Variants in HECTD4 observed in about 807,000 individuals in gnomAD.
HECTD4 encodes HECT domain E3 ubiquitin protein ligase 4.
In HECTD4, 114 loss-of-function variants were observed where a neutral mutation model predicts 471.5. The ratio of observed to expected loss-of-function variants is 0.24; its 90% CI spans 0.21 to 0.28. The LOEUF is 0.28. Among genes scored for constraint, HECTD4 ranks in the 10% least tolerant of loss-of-function variants. HECTD4 has a pLI of 1.00. For synonymous variants in HECTD4, 2,012 were observed against 2,256.0 expected (o/e 0.89, Z 3.07); for missense variants, 3,866 against 5,651.5 (o/e 0.68, Z 10.13).
chr12:112,297,465 G>C (rs528354209), intron 7 of HECTD4, among the ~76,000 whole-genome samples: 25 of 151,996 alleles, frequency 1.6e-4, no homozygotes, highest in Non-Finnish European at 3.5e-4. Context: ...CAATCATTCA[G>C]CACCTCTATA....
Position 112,248,057 on chromosome 12 carries a change from A to G in HECTD4, c.4248+10T>C, listed in dbSNP as rs1362939116. 1 of 1,601,112 alleles carries G rather than the reference A, an allele frequency of 6.2e-7. No individual in the cohort carries two copies. Among genetic ancestry groups the G allele is most frequent in the South Asian group, 1.1e-5 (1 of 89,990 alleles). On this transcript the variant is annotated intron_variant, in intron 27 of 75. Coordinates refer to ENST00000682272, the MANE Select transcript of HECTD4 (RefSeq NM_001388303.1). ...CAATACCCCAGTGACAAATCATACA[A>G]TTTGCTCACCTCATTAAAATGGTAA...
Position 112,161,756 on chromosome 12 carries a change from A to T in HECTD4, c.*631T>A, listed in dbSNP as rs1204053448. On this transcript the variant is annotated 3_prime_UTR_variant, in exon 76 of 76. Coordinates refer to ENST00000682272, the MANE Select transcript of HECTD4 (RefSeq NM_001388303.1). ...AGAGACAGACGGCAGATAGGGAGGT[A>T]TGGGAGGGGCAGGGGAACCACTGTG... 1 of 152,330 alleles carries T rather than the reference A, an allele frequency of 6.6e-6. No individual in the cohort carries two copies. Among genetic ancestry groups the T allele is most frequent in the African/African-American group, 2.4e-5 (1 of 41,452 alleles). 9.4% of individuals were successfully genotyped at this position (152,330 alleles called of 1,614,324 possible). A position where few individuals can be genotyped will look rare whatever the true frequency, so the allele number is the denominator to read the frequency against.
At chr12:112,273,600 TTC>T (rs975847824) in intron 11 of HECTD4, 53 bp downstream of exon 11, 5 of 1,545,338 alleles carry the variant, frequency 3.2e-6, no homozygotes, top group Non-Finnish European at 4.5e-6. Context: ...TGCTGTGGTA[TTC>T]TCTCATATTT....
At position 112,226,520 on chromosome 12, in the gene HECTD4, T is replaced by C. The variant is rs1405327425; in HGVS notation, c.6970+123A>G. The C allele has an allele frequency of 9.2e-6, 5 of 541,544 alleles. No homozygotes were observed. In the East Asian group the frequency reaches 1.5e-4, roughly 16 times the overall value. 33.5% of individuals were successfully genotyped at this position (541,544 alleles called of 1,614,324 possible). A position where few individuals can be genotyped will look rare whatever the true frequency, so the allele number is the denominator to read the frequency against. ...GATGCACGTGAGTTGTGACAGGTGT[T>C]GTCCTTACAGCTCGGCTGTTTTGAT... On this transcript the variant is annotated intron_variant, in intron 44 of 75. Transcript: ENST00000682272.
intron 41 of HECTD4, among the ~76,000 whole-genome samples, 187 bp downstream of exon 41, chr12:112,229,511 A>G (rs2033321722): frequency 6.6e-6 from 1 of 152,238 alleles, no homozygotes; most frequent in Non-Finnish European, 1.5e-5. Flanking sequence ...TTGCATTAAT[A>G]TCTGAATAAT....
At chr12:112,205,651 G>A (rs1372905965) in intron 52 of HECTD4, among the ~76,000 whole-genome samples, 3 of 151,738 alleles carry the variant, frequency 2.0e-5, no homozygotes, top group African/African-American at 7.3e-5. Context: ...GAGTGCAGTG[G>A]TGCAATCTCG....
At position 112,254,035 on chromosome 12, in the gene HECTD4, T is replaced by C; in HGVS notation, c.3447+8A>G. 6.2e-7 allele frequency: 1 copy of C among 1,613,840 alleles called. No individual in the cohort carries two copies. The highest frequency in any genetic ancestry group is 8.5e-7 in the Non-Finnish European group (1 of 1,179,776). On this transcript the variant is annotated splice_region_variant and intron_variant, in intron 22 of 75. Coordinates refer to ENST00000682272, the MANE Select transcript of HECTD4 (RefSeq NM_001388303.1). ...TTTCTAGGAAGCGATTATGACTGAATACCATACCTTCACCAAGTCTTTCGG... is the reference window on the plus strand; with the variant it reads ...TTTCTAGGAAGCGATTATGACTGAACACCATACCTTCACCAAGTCTTTCGG...
At chr12:112,237,480 C>T (rs1228306713) in intron 34 of HECTD4, among the ~76,000 whole-genome samples, 1 of 152,202 alleles carries the variant, frequency 6.6e-6, no homozygotes, top group Non-Finnish European at 1.5e-5. Context: ...TCCAGAACCT[C>T]CCAAGCATGT....
Position 112,246,959 on chromosome 12 carries a change from G to C in HECTD4, c.4455C>G (p.Thr1485=), listed in dbSNP as rs562493088. 1.1e-5 allele frequency: 17 copies of C among 1,612,248 alleles called. No individual in the cohort carries two copies. In the African/African-American group the frequency reaches 1.7e-4, roughly 16 times the overall value. ...MNRAELLLHV[T]IAAQSGLTRS... ...TCGTGAGGCCCGACTGGGCTGCGATGGTGACATGCAGCAACAGCTCGGCTC... is the reference window on the plus strand; with the variant it reads ...TCGTGAGGCCCGACTGGGCTGCGATCGTGACATGCAGCAACAGCTCGGCTC... The change falls in exon 29 of 76, where the codon ACC becomes ACG. Residue 1485 remains threonine (T), a synonymous_variant. Coordinates refer to ENST00000682272, the MANE Select transcript of HECTD4 (RefSeq NM_001388303.1).
intron 69 of HECTD4, 103 bp downstream of exon 69, chr12:112,170,230 C>A (rs2031159353): frequency 2.0e-6 from 3 of 1,466,230 alleles, no homozygotes; most frequent in Non-Finnish European, 2.8e-6. Context: ...ACAGGAGGAA[C>A]CGCTGCACCA....
At chr12:112,167,566 C>A (rs1390638609) in intron 71 of HECTD4, 28 bp from the exon 72 acceptor site, 1 of 1,529,538 alleles carries the variant, frequency 6.5e-7, no homozygotes, top group South Asian at 1.2e-5. Context: ...CATGAGGTGA[C>A]CTGGGCGTGG....
intron 32 of HECTD4, among the ~76,000 whole-genome samples, chr12:112,242,528 G>C (rs1159962798): frequency 6.6e-6 from 1 of 150,940 alleles, no homozygotes; most frequent in Admixed American, 6.6e-5. Flanking sequence ...TGGGAAGATC[G>C]CTTGAGCCTG....
At chr12:112,190,627 T>A (rs1362022958) in intron 60 of HECTD4, among the ~76,000 whole-genome samples, 159 bp downstream of exon 60, 2 of 152,202 alleles carry the variant, frequency 1.3e-5, no homozygotes, top group Admixed American at 6.5e-5. Flanking sequence ...TTAAGATCTA[T>A]TCCCCAAGCC....
At position 112,193,191 on chromosome 12, in the gene HECTD4, T is replaced by C; in HGVS notation, c.8956A>G (p.Thr2986Ala). 6.2e-7 allele frequency: 1 copy of C among 1,613,744 alleles called. No homozygotes were observed. Among genetic ancestry groups the C allele is most frequent in the Non-Finnish European group, 8.5e-7 (1 of 1,179,794 alleles). The change falls in exon 58 of 76, where the codon ACA becomes GCA. Residue 2986 changes from threonine (T) to alanine (A), a missense_variant and splice_region_variant. This residue lies in a region of HECTD4 where 364 missense variants were observed against 413.2 expected (regional missense o/e 0.88). Coordinates refer to ENST00000682272, the MANE Select transcript of HECTD4 (RefSeq NM_001388303.1). This position sits in a 1 kb window ranked among gnomAD's most constrained non-coding sequence, Gnocchi z 5.2. ...TCGGAGGGGAACTGCTCTGGTGCTG[T>C]CTGCAAAGAGACACTGAATAAGGAA... ...LTKQICSFLQTAPEQFPSEEF... is the reference protein window; with the variant it reads ...LTKQICSFLQAAPEQFPSEEF...
chr12:112,172,925 T>C (rs1189959913), intron 66 of HECTD4, 64 bp from the exon 67 acceptor site: 2 of 1,418,722 alleles, frequency 1.4e-6, no homozygotes, highest in Non-Finnish European at 2.0e-6. Context: ...GACTGTTGCA[T>C]TTCTCTTACA....
intron 54 of HECTD4, chr12:112,201,171 G>A: frequency 2.3e-6 from 1 of 430,520 alleles, no homozygotes; most frequent in Non-Finnish European, 4.6e-6. Context: ...TCGGCACACT[G>A]CAGTCTCTGC....
At position 112,235,408 on chromosome 12, in the gene HECTD4, A is replaced by G; in HGVS notation, c.5725+96T>C. On this transcript the variant is annotated intron_variant, in intron 36 of 75. Transcript: ENST00000682272. The surrounding 1 kb of genome is among the most constrained non-coding windows in gnomAD (Gnocchi z 5.0). ...GTCCCCGCTCCCTTCTCTGTCACTC[A>G]CTCTTTCATCATAGGAAGCACAGAT... The G allele has an allele frequency of 6.7e-7, 1 of 1,492,998 alleles. No individual in the cohort carries two copies. Among genetic ancestry groups the G allele is most frequent in the South Asian group, 1.3e-5 (1 of 74,790 alleles). The allele number at this position is 1,492,998 out of a possible 1,614,324, so 92.5% of individuals were successfully genotyped here.
rs770829962 is a variant in HECTD4 at position 112,302,269 on chromosome 12, A to C, written c.1335+3795T>G. 6.2e-5 allele frequency: 61 copies of C among 989,666 alleles called. No homozygotes were observed. The Middle Eastern group carries it at 9.1e-4, about 15-fold the overall frequency. 61.3% of individuals were successfully genotyped at this position (989,666 alleles called of 1,614,324 possible). On this transcript the variant is annotated intron_variant, in intron 7 of 75. Coordinates refer to ENST00000682272, the MANE Select transcript of HECTD4 (RefSeq NM_001388303.1). ...TGGTGTTAACTCCTGCTCGAAGGGC[A>C]GGTGGTCTCTTAGTGGGGACGCCCC...
intron 11 of HECTD4, 107 bp downstream of exon 11, chr12:112,273,548 T>C (rs2034462160): frequency 2.0e-6 from 2 of 998,810 alleles, no homozygotes; most frequent in Non-Finnish European, 3.0e-6. Context: ...GAGGGAAAAC[T>C]GGTGACACAT....
Sources: allele counts gnomAD v4.1 joint callset (sites outside exome capture counted in the v4.1 genomes callset), GRCh38; gene constraint gnomAD v4.1.1; regional missense constraint gnomAD v4.1.1; non-coding constraint Gnocchi (gnomAD v3.1); transcripts MANE v1.5; gene names NCBI Gene and HGNC (gene_info 2026-07-23, HGNC 2026-07-21).